SNED1: variants seen among roughly 807,000 people sequenced by gnomAD.
SNED1 encodes sushi, nidogen and EGF like domains 1.
SNED1 carries 81 observed loss-of-function variants against 166.7 expected under a neutral mutation model. The ratio of observed to expected loss-of-function variants is 0.49; its 90% CI spans 0.41 to 0.58. The LOEUF is 0.58. Ranked by LOEUF, SNED1 falls within the 20% of genes least tolerant of loss-of-function variation. The probability of loss-of-function intolerance (pLI) is 0.00; values close to 1 mark genes in which losing one functional copy is unlikely to be tolerated. For synonymous variants in SNED1, 762 were observed against 822.0 expected, an observed-to-expected ratio of 0.93 and a Z score of 1.25; for missense variants, 1,604 against 2,000.2, an observed-to-expected ratio of 0.80 and a Z score of 3.78.
chr2:241,071,458 GC>G (rs777353933), intron 24 of SNED1, 117 bp from the exon 25 acceptor site: 2 of 1,219,904 alleles, frequency 1.6e-6, no homozygotes, highest in African/African-American at 1.5e-5. Context: ...CCACGCACAT[GC>G]CCCCCTTCCC....
rs1451855666 is a variant in SNED1, at chr2:241,063,653, A to C, written c.2438A>C (p.Tyr813Ser). The C allele has an allele frequency of 5.6e-6, 9 of 1,612,460 alleles. No individual in the cohort carries two copies. Among genetic ancestry groups the C allele is most frequent in the Non-Finnish European group, 6.8e-6 (8 of 1,179,352 alleles). ...GGSCRNLPGA[Y>S]VCRCPAGFVG... ...TCCTGCAGGAACCTCCCAGGGGCCT[A>C]TGTCTGCCGGTGCCCTGCAGGCTTC... The change falls in exon 18 of 32, where the codon TAT becomes TCT. Residue 813 changes from tyrosine to serine, a missense_variant. By Grantham distance (144) the Tyr-to-Ser change is moderately radical. Transcript: ENST00000310397.
At chr2:241,080,777 T>C (rs1043482465) in intron 27 of SNED1, among the ~76,000 whole-genome samples, 5 of 152,266 alleles carry the variant, frequency 3.3e-5, no homozygotes, top group African/African-American at 9.6e-5. Flanking sequence ...TGGAGCTTGC[T>C]GAGGACCAAC....
rs911657063 is a variant in SNED1, at chr2:241,093,853, A to G, written c.*2217A>G. ...AAATACTCAAAGTCCACCCAAGGAA[A>G]TTAGTAATAATAGAATCAGAAAACT... On this transcript the variant is annotated 3_prime_UTR_variant, in exon 32 of 32. Coordinates refer to ENST00000310397, the MANE Select transcript of SNED1 (RefSeq NM_001080437.3). The G allele has an allele frequency of 6.6e-6, 1 of 152,490 alleles. No homozygotes were observed. The highest frequency in any genetic ancestry group is 1.5e-5 in the Non-Finnish European group (1 of 68,246). 9.4% of individuals were successfully genotyped at this position (152,490 alleles called of 1,614,324 possible). A position where few individuals can be genotyped will look rare whatever the true frequency, so the allele number is the denominator to read the frequency against.
intron 1 of SNED1, among the ~76,000 whole-genome samples, chr2:241,023,946 G>A (rs2060852073): frequency 7.6e-6 from 1 of 131,082 alleles, no homozygotes; most frequent in Non-Finnish European, 1.5e-5. Context: ...CTGGAGTGCA[G>A]TGACGGAATC....
intron 4 of SNED1, 24 bp downstream of exon 4, chr2:241,034,754 G>A: frequency 6.6e-7 from 1 of 1,522,706 alleles, no homozygotes; most frequent in South Asian, 1.2e-5. Flanking sequence ...GGAGCAGCTT[G>A]GGGTGGGAGC....
rs771355860 is a variant in SNED1 at position 241,069,007 on chromosome 2, G to A, written c.3291G>A (p.Pro1097=). ...EHPTESLATA[P]THVWTRPLPP... ...CCACAGAGAGCCTGGCCACCGCGCCGACGCACGTGTGGACCCGTGAGTAGA... is the reference window on the plus strand; with the variant it reads ...CCACAGAGAGCCTGGCCACCGCGCCAACGCACGTGTGGACCCGTGAGTAGA... The change falls in exon 23 of 32, where the codon CCG becomes CCA. Residue 1097 remains proline, a synonymous_variant. Coordinates refer to ENST00000310397, the MANE Select transcript of SNED1 (RefSeq NM_001080437.3). The surrounding 1 kb of genome is among the most constrained non-coding windows in gnomAD (Gnocchi z 4.9). 1.3e-4 allele frequency: 197 copies of A among 1,551,976 alleles called. 1 individual carries two copies. The highest frequency in any genetic ancestry group is 8.8e-5 in the Non-Finnish European group (101 of 1,147,792).
intron 16 of SNED1, among the ~76,000 whole-genome samples, chr2:241,062,093 TTCAC>T (rs2062252522): frequency 1.3e-5 from 2 of 152,164 alleles, no homozygotes; most frequent in Admixed American, 1.3e-4. Flanking sequence ...AACAAAAACA[TTCAC>T]TATTGTTTAG....
At chr2:241,090,079 T>G in intron 31 of SNED1, 1 of 1,511,946 alleles carries the variant, frequency 6.6e-7, no homozygotes, top group Non-Finnish European at 8.8e-7. Context: ...TTACTGTAAC[T>G]TTTTTACTTT....
chr2:241,089,732 T>C (rs181120865), intron 31 of SNED1, among the ~76,000 whole-genome samples: 1 of 152,368 alleles, frequency 6.6e-6, no homozygotes, highest in Admixed American at 6.5e-5. Context: ...ACAATGGAGA[T>C]GCATTCTGAG....
Position 241,083,341 on chromosome 2 carries a change from C to T in SNED1, c.4121+977C>T, listed in dbSNP as rs78880679. The stretch of plus-strand genomic sequence containing the variant: ...TGAGAGGTGAGGGACAGGGAACCCT[C>T]GGGGCCATGGAGACCCACAGAAGGA... On this transcript the variant is annotated intron_variant, in intron 29 of 31. Transcript: ENST00000310397. 8.1e-4 allele frequency among the ~76,000 whole-genome samples: 123 copies of T among 152,124 alleles called. 1 individual carries two copies. Among genetic ancestry groups the T allele is most frequent in the African/African-American group, 2.6e-3 (106 of 41,510 alleles).
intron 21 of SNED1, among the ~76,000 whole-genome samples, chr2:241,065,940 C>T (rs1164886272): frequency 6.0e-5 from 7 of 116,938 alleles, no homozygotes; most frequent in Non-Finnish European, 8.9e-5. Context: ...AGACAGGGGC[C>T]GCGGGGGTGG....
intron 31 of SNED1, chr2:241,090,224 A>G (rs915508084): frequency 3.4e-5 from 50 of 1,488,420 alleles, no homozygotes; most frequent in Non-Finnish European, 4.5e-5. Flanking sequence ...GTTTTTTACT[A>G]TTTAACTTTT....
At chr2:241,080,847 G>A (rs147711992) in intron 27 of SNED1, among the ~76,000 whole-genome samples, 184 of 152,376 alleles carry the variant, frequency 1.2e-3, no homozygotes, top group African/African-American at 4.1e-3. Context: ...CCGTGCCTGT[G>A]TGGACCAGTC....
At chr2:241,065,013 G>C in intron 20 of SNED1, 56 bp downstream of exon 20, 1 of 1,355,052 alleles carries the variant, frequency 7.4e-7, no homozygotes, top group Admixed American at 2.5e-5. Context: ...CCTCTCCCTA[G>C]AGGGCCCAAC....
chr2:241,050,068 G>T (rs1424505452), intron 12 of SNED1, 135 bp downstream of exon 12: 8 of 733,648 alleles, frequency 1.1e-5, no homozygotes, highest in Non-Finnish European at 2.0e-5. Context: ...CTGATGTGCT[G>T]CTCTGTTCTG....
At chr2:241,033,118 A>T (rs2061239269) in intron 2 of SNED1, among the ~76,000 whole-genome samples, 1 of 151,836 alleles carries the variant, frequency 6.6e-6, no homozygotes, top group Admixed American at 6.6e-5. Context: ...CTTTTCTTTC[A>T]CTTTAAAACC....
At position 241,018,444 on chromosome 2, in the gene SNED1, A is replaced by G. The variant is rs538225237; in HGVS notation, c.214-11840A>G. Among the ~76,000 whole-genome samples, 1 of 152,114 alleles carries G rather than the reference A, an allele frequency of 6.6e-6. No individual in the cohort carries two copies. The highest frequency in any genetic ancestry group is 2.1e-4 in the South Asian group (1 of 4,822). On this transcript the variant is annotated intron_variant, in intron 1 of 31. Transcript: ENST00000310397. This position sits in a 1 kb window ranked among gnomAD's most constrained non-coding sequence, Gnocchi z 5.4. The stretch of plus-strand genomic sequence containing the variant: ...AGGCACCTTGCCAGGTGCTGGATTT[A>G]AGGGGCAAAGAACATTCGTTGTTCA...
Position 241,070,139 on chromosome 2 carries a change from C to T in SNED1, c.3527C>T (p.Ala1176Val). The change falls in exon 24 of 32, where the codon GCA (alanine) becomes GTA (valine). Residue 1176 changes from alanine (A) to valine (V), a missense_variant. By Grantham distance (64) the Ala-to-Val change is moderately conservative. Around this residue, in one of 2 missense-constraint regions of SNED1, gnomAD observed 367 missense variants for 379.4 expected, o/e 0.97. Transcript: ENST00000310397. The part of the protein sequence containing the change: ...PGRRYQLSVI[A>V]VQSTELGPQH... ...CGGCGGTACCAGCTCTCTGTGATAG[C>T]AGTGCAGAGCACGGAGCTCGGGCCG... 6.2e-7 allele frequency: 1 copy of T among 1,611,572 alleles called. No homozygotes were observed. The highest frequency in any genetic ancestry group is 8.5e-7 in the Non-Finnish European group (1 of 1,179,618).
chr2:241,094,194 A>G lies in SNED1; in HGVS notation c.*2558A>G. ...CCCCATTGCGTGTGGGCTGCCAGGT[A>G]CAAGTAAGGGAATCTTTGCTGTGCC... On this transcript the variant is annotated 3_prime_UTR_variant, in exon 32 of 32. Coordinates refer to ENST00000310397, the MANE Select transcript of SNED1 (RefSeq NM_001080437.3). This position sits in a 1 kb window ranked among gnomAD's most constrained non-coding sequence, Gnocchi z 4.3. 1 of 404,326 alleles carries G rather than the reference A, an allele frequency of 2.5e-6. No homozygotes were observed. Among genetic ancestry groups the G allele is most frequent in the South Asian group, 1.8e-5 (1 of 54,950 alleles). The allele number at this position is 404,326 out of a possible 1,614,324, so 25.0% of individuals were successfully genotyped here.
Sources: gnomAD v4.1 joint callset for allele counts (sites outside exome capture counted in the v4.1 genomes callset) on GRCh38, gnomAD v4.1.1 for gene constraint, gnomAD v4.1.1 regional missense constraint, Gnocchi (gnomAD v3.1) non-coding constraint, MANE v1.5 for transcripts, NCBI Gene and HGNC (gene_info 2026-07-23, HGNC 2026-07-21) for gene names.